UBE2W: variants seen among roughly 807,000 people sequenced by gnomAD.
UBE2W encodes ubiquitin-conjugating enzyme E2 W.
A neutral mutation model predicts 27.2 loss-of-function variants in UBE2W; 18 were observed. That is an observed-to-expected ratio of 0.66 (90% CI 0.46 to 0.98). The LOEUF (loss-of-function observed/expected upper bound fraction) is 0.98. UBE2W is among the 50% of genes least tolerant of loss of function. The pLI, the probability that UBE2W is intolerant of heterozygous loss-of-function variation, is 0.00. For missense variants in UBE2W, 90 were observed against 180.2 expected, an observed-to-expected ratio of 0.50 and a Z score of 2.87; for synonymous variants, 53 against 57.2, an observed-to-expected ratio of 0.93 and a Z score of 0.33.
chr8:73,803,967 C>G (rs1469085944), intron 5 of UBE2W, among the ~76,000 whole-genome samples: 1 of 151,196 alleles, frequency 6.6e-6, no homozygotes, highest in Non-Finnish European at 1.5e-5. Flanking sequence ...AGGGTTTCAC[C>G]GTGTTAGCCA....
chr8:73,862,651 T>C (rs1357483427), intron 1 of UBE2W, among the ~76,000 whole-genome samples: 2 of 134,576 alleles, frequency 1.5e-5, no homozygotes, highest in Middle Eastern at 3.3e-3. Context: ...ACCTACAAAA[T>C]GGGAGAAAAT....
chr8:73,794,012 A>G lies in UBE2W; in HGVS notation c.*90T>C. 6.3e-7 allele frequency: 1 copy of G among 1,588,686 alleles called. No homozygotes were observed. The highest frequency in any genetic ancestry group is 1.3e-5 in the African/African-American group (1 of 74,216). ...TCTTCATTGCCTATAGGTCACTTCC[A>G]GTCAAAGGTTAAAGTTCAAAGACTG... is the stretch of plus-strand genomic sequence containing the variant. On this transcript the variant is annotated 3_prime_UTR_variant, in exon 6 of 6. Coordinates refer to ENST00000602593, the MANE Select transcript of UBE2W (RefSeq NM_018299.6).
At chr8:73,844,476 T>C (rs1457720385) in intron 1 of UBE2W, among the ~76,000 whole-genome samples, 1 of 152,212 alleles carries the variant, frequency 6.6e-6, no homozygotes, top group Non-Finnish European at 1.5e-5. Context: ...TGGATTGCAG[T>C]GGCATGATCT....
At chr8:73,809,347 GAAAGA>G (rs1459551729) in intron 4 of UBE2W, among the ~76,000 whole-genome samples, 1 of 152,078 alleles carries the variant, frequency 6.6e-6, no homozygotes, top group Non-Finnish European at 1.5e-5. Context: ...TGGAGAAAAG[GAAAGA>G]AAACTGTAAA....
chr8:73,793,933 C>G lies in UBE2W; in HGVS notation c.*169G>C, dbSNP rs1471511620. On this transcript the variant is annotated 3_prime_UTR_variant, in exon 6 of 6. Coordinates refer to ENST00000602593, the MANE Select transcript of UBE2W (RefSeq NM_018299.6). ...ATGTCAGTTGCCTGGACTGAACCAG[C>G]GATCAACATGCGCCCAGAATGCACA... The G allele has an allele frequency of 6.9e-7, 1 of 1,443,112 alleles. No homozygotes were observed. The allele number at this position is 1,443,112 out of a possible 1,614,324, so 89.4% of individuals were successfully genotyped here.
At chr8:73,835,188 A>G (rs1284331344) in intron 1 of UBE2W, among the ~76,000 whole-genome samples, 1 of 152,016 alleles carries the variant, frequency 6.6e-6, no homozygotes, top group African/African-American at 2.4e-5. Context: ...CTTTATTGGT[A>G]TATCATCCCT....
At chr8:73,826,064 G>A (rs979331441) in intron 2 of UBE2W, among the ~76,000 whole-genome samples, 1 of 151,864 alleles carries the variant, frequency 6.6e-6, no homozygotes, top group Non-Finnish European at 1.5e-5. Context: ...AGATTAACAG[G>A]GCAAGGGGAG....
intron 1 of UBE2W, among the ~76,000 whole-genome samples, chr8:73,862,390 C>G (rs1811566792): frequency 6.6e-6 from 1 of 152,150 alleles, no homozygotes; most frequent in South Asian, 2.1e-4. Context: ...GCCAGTTTTC[C>G]CAGCACCATT....
chr8:73,813,914 G>A (rs560689988), intron 3 of UBE2W, among the ~76,000 whole-genome samples: 15 of 152,152 alleles, frequency 9.9e-5, no homozygotes, highest in Admixed American at 2.6e-4. Flanking sequence ...TGTATTTTTA[G>A]TAGAGATGGG....
chr8:73,814,306 GA>G (rs1345178900), intron 3 of UBE2W, among the ~76,000 whole-genome samples: 1 of 152,124 alleles, frequency 6.6e-6, no homozygotes, highest in African/African-American at 2.4e-5. Flanking sequence ...CAAAACAACT[GA>G]ACACAATAAA....
intron 1 of UBE2W, among the ~76,000 whole-genome samples, chr8:73,850,725 T>TAAAAAAAAA (rs11318665): frequency 1.6e-5 from 1 of 63,590 alleles, no homozygotes; most frequent in Non-Finnish European, 2.9e-5. Flanking sequence ...AGCAGGACAT[T>TAAAAAAAAA]AAAAAAAAAA....
rs1315303686 is a variant in UBE2W at position 73,793,300 on chromosome 8, C to T, written c.*802G>A. 2.1e-5 allele frequency: 21 copies of T among 985,694 alleles called. No homozygotes were observed. Among genetic ancestry groups the T allele is most frequent in the Admixed American group, 6.1e-5 (1 of 16,264 alleles). The allele number at this position is 985,694 out of a possible 1,614,324, so 61.1% of individuals were successfully genotyped here. A position where few individuals can be genotyped will look rare whatever the true frequency, so the allele number is the denominator to read the frequency against. On this transcript the variant is annotated 3_prime_UTR_variant, in exon 6 of 6. Coordinates refer to ENST00000602593, the MANE Select transcript of UBE2W (RefSeq NM_018299.6). ...GACTGCAGCAATTTAATCATCACTG[C>T]CATTTTTCTTACTTCCAAAATAAAG... is the stretch of plus-strand genomic sequence containing the variant.
In UBE2W at chr8:73,788,769, G is replaced by A; in HGVS notation, c.*5333C>T. The stretch of plus-strand genomic sequence containing the variant: ...AGAAAACAACTTAGAATCGTTGTAG[G>A]ACCATCCTTTTCTCAAAACCCAGAG... On this transcript the variant is annotated 3_prime_UTR_variant, in exon 6 of 6. Coordinates refer to ENST00000602593, the MANE Select transcript of UBE2W (RefSeq NM_018299.6). 2.0e-6 allele frequency: 2 copies of A among 985,294 alleles called. No individual in the cohort carries two copies. 61.0% of individuals were successfully genotyped at this position (985,294 alleles called of 1,614,324 possible).
rs1226264060 is a variant in UBE2W, at chr8:73,791,768, T to C, written c.*2334A>G. The C allele has an allele frequency of 1.0e-6, 1 of 984,936 alleles. No homozygotes were observed. The highest frequency in any genetic ancestry group is 1.7e-5 in the African/African-American group (1 of 57,356). The allele number at this position is 984,936 out of a possible 1,614,324, so 61.0% of individuals were successfully genotyped here. ...CTCCTATATTTTAGGATATTTCATC[T>C]TATTTTCTACTCTTTAAACCATAAG... On this transcript the variant is annotated 3_prime_UTR_variant, in exon 6 of 6. Coordinates refer to ENST00000602593, the MANE Select transcript of UBE2W (RefSeq NM_018299.6).
chr8:73,786,899 T>A lies in UBE2W; in HGVS notation c.*7203A>T. The A allele has an allele frequency of 1.0e-6, 1 of 985,424 alleles. No individual in the cohort carries two copies. The highest frequency in any genetic ancestry group is 1.2e-6 in the Non-Finnish European group (1 of 829,910). The allele number at this position is 985,424 out of a possible 1,614,324, so 61.0% of individuals were successfully genotyped here. A position where few individuals can be genotyped will look rare whatever the true frequency, so the allele number is the denominator to read the frequency against. On this transcript the variant is annotated 3_prime_UTR_variant, in exon 6 of 6. Transcript: ENST00000602593. ...ACAGGATAAAAGAAATATGTTTTCA[T>A]TGAGGTATGGAAACATAAAATTTTA... is the stretch of plus-strand genomic sequence containing the variant.
At chr8:73,835,050 TGA>T (rs1481988088) in intron 1 of UBE2W, among the ~76,000 whole-genome samples, 1 of 152,140 alleles carries the variant, frequency 6.6e-6, no homozygotes, top group East Asian at 1.9e-4. Flanking sequence ...TTCCAGATCT[TGA>T]GAACTTTACT....
At chr8:73,862,528 A>G (rs1421010403) in intron 1 of UBE2W, among the ~76,000 whole-genome samples, 1 of 151,440 alleles carries the variant, frequency 6.6e-6, no homozygotes, top group Non-Finnish European at 1.5e-5. Flanking sequence ...CAAGGACTTC[A>G]TGTCCAAAAC....
intron 1 of UBE2W, among the ~76,000 whole-genome samples, chr8:73,846,383 C>G (rs556327314): frequency 3.3e-5 from 5 of 151,776 alleles, no homozygotes; most frequent in Admixed American, 6.6e-5. Context: ...GCAACAAGAG[C>G]GAAACTCCAT....
chr8:73,795,885 C>T, intron 5 of UBE2W: 1 of 487,912 alleles, frequency 2.0e-6, no homozygotes, highest in Non-Finnish European at 2.7e-6. Context: ...AGTTCAAGAC[C>T]AGCCTAGGCA....
Sources: allele counts gnomAD v4.1 joint callset (sites outside exome capture counted in the v4.1 genomes callset), GRCh38; gene constraint gnomAD v4.1.1; transcripts MANE v1.5; gene names NCBI Gene and HGNC (gene_info 2026-07-23, HGNC 2026-07-21).